The following ADAM12 variants were observed in gnomAD, a reference collection of about 807,000 sequenced individuals.
ADAM12 encodes the protein disintegrin and metalloproteinase domain-containing protein 12.
In ADAM12, 70 loss-of-function variants were observed where a neutral mutation model predicts 106.4. The observed-to-expected ratio is 0.66, with a 90% CI of 0.54 to 0.80. The LOEUF (loss-of-function observed/expected upper bound fraction) is 0.80, where lower values mean the gene tolerates loss of function less well. Among genes scored for constraint, ADAM12 ranks in the 30% least tolerant of loss-of-function variants. ADAM12 has a pLI of 0.00. For synonymous variants in ADAM12, 420 were observed against 433.5 expected, an observed-to-expected ratio of 0.97 and a Z score of 0.39; for missense variants, 1,010 against 1,171.9, an observed-to-expected ratio of 0.86 and a Z score of 2.02.
intron 14 of ADAM12, among the ~76,000 whole-genome samples, chr10:126,050,608 C>T (rs751392968): frequency 6.6e-6 from 1 of 152,224 alleles, no homozygotes; most frequent in African/African-American, 2.4e-5. Flanking sequence ...CTCTGCTCTC[C>T]ACCCTGGGGA....
chr10:126,024,544 T>G (rs1030496555), intron 21 of ADAM12, among the ~76,000 whole-genome samples: 2 of 152,200 alleles, frequency 1.3e-5, no homozygotes, highest in Non-Finnish European at 2.9e-5. Context: ...AGGAAAGTTC[T>G]TAATAATATT....
Position 126,221,651 on chromosome 10 carries a change from G to A in ADAM12, c.260+57264C>T, listed in dbSNP as rs372086179. Among the ~76,000 whole-genome samples, 26 of 152,254 alleles carry A rather than the reference G, an allele frequency of 1.7e-4. 1 individual carries two copies. In the South Asian group the frequency reaches 5.0e-3, roughly 29 times the overall value. On this transcript the variant is annotated intron_variant, in intron 3 of 22. Transcript: ENST00000448723. ...TAAGGAATAGGAATTTGGCCAGCAA[G>A]TTGCTACTCATTCATTGTTCGCATC...
chr10:126,258,000 G>A (rs1958926380), intron 3 of ADAM12, among the ~76,000 whole-genome samples: 1 of 152,180 alleles, frequency 6.6e-6, no homozygotes, highest in African/African-American at 2.4e-5. Context: ...TTTTCACAAT[G>A]AGAAGATACC....
chr10:126,293,897 C>G (rs1168209547), intron 2 of ADAM12, among the ~76,000 whole-genome samples: 1 of 152,198 alleles, frequency 6.6e-6, no homozygotes, highest in African/African-American at 2.4e-5. Context: ...GCTCTTCTCT[C>G]CAATCTCTGC....
chr10:126,148,730 G>A (rs1490462058), intron 4 of ADAM12, among the ~76,000 whole-genome samples: 4 of 152,172 alleles, frequency 2.6e-5, no homozygotes, highest in African/African-American at 9.6e-5. Flanking sequence ...TACAGCATCA[G>A]CTTAATGACT....
Position 126,037,327 on chromosome 10 carries a change from G to A in ADAM12, c.2349+914C>T, listed in dbSNP as rs142075641. Among the ~76,000 whole-genome samples, 908 of 133,944 alleles carry A rather than the reference G, an allele frequency of 6.8e-3. 14 individuals are homozygous for A. The highest frequency in any genetic ancestry group is 0.024 in the African/African-American group (855 of 35,384). The allele number at this position is 133,944 out of a possible 152,430, so 87.9% of individuals were successfully genotyped here. The stretch of plus-strand genomic sequence containing the variant: ...ATAGAGCTGCATTTTTCTTTTTTAC[G>A]AAAATGAAGATGTGCTTTTGGCTAC... On this transcript the variant is annotated intron_variant, in intron 20 of 22. Transcript: ENST00000448723.
intron 4 of ADAM12, among the ~76,000 whole-genome samples, chr10:126,141,706 G>A (rs1429336120): frequency 6.6e-6 from 1 of 152,152 alleles, no homozygotes; most frequent in Non-Finnish European, 1.5e-5. Flanking sequence ...AGAAGGAAAG[G>A]CATTTTATAT....
intron 1 of ADAM12, among the ~76,000 whole-genome samples, chr10:126,363,983 A>C (rs1228183723): frequency 6.6e-6 from 1 of 152,320 alleles, no homozygotes; most frequent in African/African-American, 2.4e-5. Flanking sequence ...TCCCAAAAAT[A>C]TAAGAATATT....
chr10:126,115,537 C>G (rs574843940), intron 6 of ADAM12, among the ~76,000 whole-genome samples: 2 of 152,250 alleles, frequency 1.3e-5, no homozygotes, highest in African/African-American at 4.8e-5. Context: ...GTAAAAATGA[C>G]AAACAATAGC....
At chr10:126,292,857 T>TA (rs906374009) in intron 2 of ADAM12, among the ~76,000 whole-genome samples, 19 of 151,954 alleles carry the variant, frequency 1.3e-4, no homozygotes, top group African/African-American at 4.1e-4. Context: ...TTTAAAAAGG[T>TA]AAAAAAAATA....
rs1451050715 is a variant in ADAM12, at chr10:126,278,912, T to C, written c.260+3A>G. The C allele has an allele frequency of 6.2e-7, 1 of 1,600,794 alleles. No individual in the cohort carries two copies. The highest frequency in any genetic ancestry group is 8.6e-7 in the Non-Finnish European group (1 of 1,169,154). ...ATCATGCAATAAACAAGAATTAACT[T>C]ACTCATTTCTTTCCAGATTTATGAT... is the stretch of plus-strand genomic sequence containing the variant. On this transcript the variant is annotated splice_donor_region_variant and intron_variant, in intron 3 of 22. Transcript: ENST00000448723.
intron 14 of ADAM12, among the ~76,000 whole-genome samples, chr10:126,051,440 T>TCCAG (rs1954479975): frequency 6.6e-6 from 1 of 151,876 alleles, no homozygotes; most frequent in African/African-American, 2.4e-5. Flanking sequence ...CACTCGTCCA[T>TCCAG]CCAGCCAGCC....
intron 21 of ADAM12, among the ~76,000 whole-genome samples, chr10:126,027,863 CA>C (rs1953904609): frequency 6.6e-6 from 1 of 152,086 alleles, no homozygotes; most frequent in African/African-American, 2.4e-5. Flanking sequence ...GGCAATCAGG[CA>C]AGAGAAAGGA....
intron 3 of ADAM12, among the ~76,000 whole-genome samples, chr10:126,224,733 A>G (rs1361175609): frequency 6.6e-6 from 1 of 152,220 alleles, no homozygotes; most frequent in Non-Finnish European, 1.5e-5. Context: ...ACTGCCAAAG[A>G]GCCACTGTCA....
intron 3 of ADAM12, among the ~76,000 whole-genome samples, chr10:126,261,730 A>G (rs975624808): frequency 1.3e-5 from 2 of 152,188 alleles, no homozygotes; most frequent in African/African-American, 4.8e-5. Context: ...GTCCAAATGT[A>G]AAAAACGAAA....
chr10:126,217,369 C>CTTTT (rs1296671044), intron 3 of ADAM12, among the ~76,000 whole-genome samples: 1 of 143,270 alleles, frequency 7.0e-6, no homozygotes, highest in African/African-American at 2.5e-5. Flanking sequence ...GCATTTGGAA[C>CTTTT]TTTTTTTTTT....
chr10:126,323,490 G>A (rs1332803320), intron 2 of ADAM12, among the ~76,000 whole-genome samples: 3 of 152,162 alleles, frequency 2.0e-5, no homozygotes, highest in African/African-American at 7.2e-5. Flanking sequence ...AAGGAGGTAG[G>A]AAACATCTAA....
intron 19 of ADAM12, 35 bp from the exon 20 acceptor site, chr10:126,038,384 GT>G: frequency 2.0e-6 from 3 of 1,484,304 alleles, no homozygotes; most frequent in Non-Finnish European, 2.7e-6. Flanking sequence ...GACCAAGCGT[GT>G]TTCCCCTTCT....
intron 3 of ADAM12, among the ~76,000 whole-genome samples, chr10:126,194,278 C>CA (rs35778124): frequency 0.17 from 9,482 of 56,496 alleles, 700 homozygotes; most frequent in African/African-American, 0.24. Flanking sequence ...TTCATATGCT[C>CA]AAAAAAAAAA....
Sources: allele counts gnomAD v4.1 joint callset (sites outside exome capture counted in the v4.1 genomes callset), GRCh38; gene constraint gnomAD v4.1.1; transcripts MANE v1.5; gene names NCBI Gene and HGNC (gene_info 2026-07-23, HGNC 2026-07-21).